Variants in MYOM1 observed in about 807,000 individuals in gnomAD.
MYOM1 encodes the protein myomesin 1.
In MYOM1, 164 loss-of-function variants were observed where a neutral mutation model predicts 205.3. That is an observed-to-expected ratio of 0.80 (90% confidence interval 0.70 to 0.91). The LOEUF is 0.91. Among genes scored for constraint, MYOM1 ranks in the 40% least tolerant of loss-of-function variants. MYOM1 has a pLI of 0.00. For synonymous variants in MYOM1, 772 were observed against 789.4 expected (o/e 0.98, Z 0.37); for missense variants, 2,011 against 2,127.3 (o/e 0.95, Z 1.08).
chr18:3,100,562 A>T, intron 23 of MYOM1, 136 bp from the exon 24 acceptor site: 1 of 666,282 alleles, frequency 1.5e-6, no homozygotes, highest in African/African-American at 1.8e-5. Context: ...GCTACAGCCT[A>T]CATGTTCTTG....
At chr18:3,174,899 ATTC>A (rs1307489798) in intron 6 of MYOM1, among the ~76,000 whole-genome samples, 1 of 152,210 alleles carries the variant, frequency 6.6e-6, no homozygotes, top group African/African-American at 2.4e-5. Context: ...AGAAACTGGA[ATTC>A]TTATAAAAAT....
intron 36 of MYOM1, 96 bp downstream of exon 36, chr18:3,075,358 C>T: frequency 8.4e-7 from 1 of 1,190,626 alleles, no homozygotes; most frequent in Non-Finnish European, 1.2e-6. Flanking sequence ...AAACCACTTC[C>T]ATTCTCCTCC....
intron 2 of MYOM1, among the ~76,000 whole-genome samples, chr18:3,202,919 T>C (rs2081085323): frequency 6.6e-6 from 1 of 151,878 alleles, no homozygotes; most frequent in Non-Finnish European, 1.5e-5. Context: ...TCTCAATCAA[T>C]TTAAAAGAGC....
At chr18:3,221,529 T>C (rs2081329946), upstream of MYOM1, among the ~76,000 whole-genome samples, 1 of 152,196 alleles carries the variant, frequency 6.6e-6, no homozygotes, top group Admixed American at 6.5e-5. Context: ...AGGGAAGGCA[T>C]TTGCCAAAGA....
intron 14 of MYOM1, among the ~76,000 whole-genome samples, chr18:3,136,787 T>G (rs1394932788): frequency 6.6e-6 from 1 of 152,200 alleles, no homozygotes; most frequent in Non-Finnish European, 1.5e-5. Flanking sequence ...GCTTTATTCT[T>G]CTTCAATCAT....
intron 23 of MYOM1, 57 bp from the exon 24 acceptor site, chr18:3,100,483 G>T: frequency 7.7e-7 from 1 of 1,293,336 alleles, no homozygotes. Context: ...GTGGGCCTGT[G>T]TTTCCCCTGA....
At chr18:3,202,155 T>C (rs1191683653) in intron 2 of MYOM1, among the ~76,000 whole-genome samples, 1 of 152,156 alleles carries the variant, frequency 6.6e-6, no homozygotes, top group Non-Finnish European at 1.5e-5. Flanking sequence ...AATATGTATA[T>C]TGTAATTCCT....
chr18:3,207,718 G>A (rs1260292830), intron 2 of MYOM1, among the ~76,000 whole-genome samples: 2 of 152,218 alleles, frequency 1.3e-5, no homozygotes, highest in African/African-American at 4.8e-5. Context: ...CCAAGGGCCT[G>A]CAGGGACAGA....
intron 14 of MYOM1, among the ~76,000 whole-genome samples, chr18:3,141,106 G>A (rs1343821156): frequency 6.6e-6 from 1 of 152,122 alleles, no homozygotes; most frequent in Non-Finnish European, 1.5e-5. Flanking sequence ...TGTTAGCCAA[G>A]GACTTCTTAC....
intron 2 of MYOM1, among the ~76,000 whole-genome samples, chr18:3,203,060 G>T (rs1242482740): frequency 2.0e-5 from 3 of 151,418 alleles, no homozygotes; most frequent in Non-Finnish European, 4.4e-5. Context: ...TGGTCAAGAA[G>T]AAATCACAAA....
rs190084472 is a variant in MYOM1, at chr18:3,124,190, A to G, written c.2991+2511T>C. ...GGTAGTCACCCACTGTTACACAAAC[A>G]GACCAGTGGAACAGCATGGGAAGCA... is the stretch of plus-strand genomic sequence containing the variant. On this transcript the variant is annotated intron_variant, in intron 19 of 37. Transcript: ENST00000356443. Among the ~76,000 whole-genome samples the G allele has an allele frequency of 1.2e-4, 18 of 151,562 alleles. No homozygotes were observed. The East Asian group carries it at 3.3e-3, about 28-fold the overall frequency.
chr18:3,124,623 C>A (rs2079752309), intron 19 of MYOM1, among the ~76,000 whole-genome samples: 1 of 152,080 alleles, frequency 6.6e-6, no homozygotes, highest in African/African-American at 2.4e-5. Flanking sequence ...GCCACCGCGC[C>A]CGGCCCCAAA....
upstream of MYOM1, among the ~76,000 whole-genome samples, chr18:3,220,874 G>A (rs182263926): frequency 7.6e-4 from 115 of 152,302 alleles, no homozygotes; most frequent in Non-Finnish European, 1.3e-4. Context: ...TATAGACTCA[G>A]TAAATATCAG....
At chr18:3,178,285 G>A (rs1489912367) in intron 5 of MYOM1, among the ~76,000 whole-genome samples, 1 of 152,196 alleles carries the variant, frequency 6.6e-6, no homozygotes, top group Non-Finnish European at 1.5e-5. Flanking sequence ...GTATGAGATA[G>A]TGCTGTTTTT....
rs938475906 is a variant in MYOM1 at position 3,090,688 on chromosome 18, T to G, written c.3979A>C (p.Asn1327His). Residue 1327 changes from asparagine to histidine, a missense_variant, in exon 27 of 38, where the codon AAC becomes CAC. Coordinates refer to ENST00000356443, the MANE Select transcript of MYOM1 (RefSeq NM_003803.4). Reference protein sequence around the residue: ...TFQLQDGKATNHSTVVLVGDV... With the variant: ...TFQLQDGKATHHSTVVLVGDV... ...CCAACGAGAACAACAGTAGAATGGTTAGTTGCTTTTCCATCTTGAAGCTGG... is the reference window on the plus strand; with the variant it reads ...CCAACGAGAACAACAGTAGAATGGTGAGTTGCTTTTCCATCTTGAAGCTGG... 1.2e-6 allele frequency: 2 copies of G among 1,613,868 alleles called. No individual in the cohort carries two copies. The highest frequency in any genetic ancestry group is 1.3e-5 in the African/African-American group (1 of 74,922).
intron 11 of MYOM1, 99 bp from the exon 12 acceptor site, chr18:3,151,992 C>T: frequency 7.9e-7 from 1 of 1,266,848 alleles, no homozygotes; most frequent in Non-Finnish European, 1.1e-6. Flanking sequence ...AGATCTTCTC[C>T]CTATAAAATA....
Position 3,155,014 on chromosome 18 carries a change from T to G in MYOM1, c.1576A>C (p.Ile526Leu). 1 of 1,613,466 alleles carries G rather than the reference T, an allele frequency of 6.2e-7. No homozygotes were observed. Among genetic ancestry groups the G allele is most frequent in the African/African-American group, 1.3e-5 (1 of 75,022 alleles). Residue 526 changes from isoleucine to leucine, a missense_variant, in exon 11 of 38, where the codon ATC becomes CTC. Ile to Leu is a conservative substitution (Grantham distance 5). Transcript: ENST00000356443. ...GCTGGCTGTTTCCAGGAGATGATGA[T>G]ATAATCTTTGTTGGCCTCCAAGCAC... is the stretch of plus-strand genomic sequence containing the variant. ...VKCLEANKDY[I>L]IISWKQPAVD...
At chr18:3,220,833 C>G (rs571330020), upstream of MYOM1, among the ~76,000 whole-genome samples, 1 of 152,194 alleles carries the variant, frequency 6.6e-6, no homozygotes, top group East Asian at 1.9e-4. Flanking sequence ...ATACTGCAGA[C>G]AGAGCACTTG....
Position 3,193,950 on chromosome 18 carries a change from T to C in MYOM1, c.299A>G (p.Asp100Gly), listed in dbSNP as rs770734389. 1.2e-6 allele frequency: 2 copies of C among 1,613,388 alleles called. No individual in the cohort carries two copies. The highest frequency in any genetic ancestry group is 1.7e-6 in the Non-Finnish European group (2 of 1,179,690). Reference protein sequence around the residue: ...YDYGSSHGLTDSSLLLDDYSS... With the variant: ...YDYGSSHGLTGSSLLLDDYSS... ...ATAATCATCTAACAGCAGACTGGAATCTGTAAGTCTGAAATAAACCACCTA... is the reference window on the plus strand; with the variant it reads ...ATAATCATCTAACAGCAGACTGGAACCTGTAAGTCTGAAATAAACCACCTA... The change falls in exon 3 of 38, where the codon GAT becomes GGT. Residue 100 changes from aspartate (D) to glycine (G), a missense_variant. Asp to Gly is a moderately conservative substitution (Grantham distance 94). Transcript: ENST00000356443.
Sources: allele counts gnomAD v4.1 joint callset (sites outside exome capture counted in the v4.1 genomes callset), GRCh38; gene constraint gnomAD v4.1.1; transcripts MANE v1.5; gene names NCBI Gene and HGNC (gene_info 2026-07-23, HGNC 2026-07-21).